Variants in DOCK1 observed in about 807,000 individuals in gnomAD.
The protein encoded by DOCK1 is dedicator of cytokinesis protein 1.
Under a neutral mutation model 262.7 loss-of-function variants are expected in DOCK1, and 138 were observed. The observed-to-expected ratio is 0.53, with a 90% CI of 0.46 to 0.61. DOCK1 has a LOEUF of 0.61. Ranked by LOEUF, DOCK1 falls within the 20% of genes least tolerant of loss-of-function variation. The probability of loss-of-function intolerance (pLI) is 0.00; values close to 1 mark genes in which losing one functional copy is unlikely to be tolerated. For missense variants in DOCK1, 1,908 were observed against 2,370.7 expected (o/e 0.80, Z 4.05); for synonymous variants, 866 against 867.4 (o/e 1.00, Z 0.03).
rs2043630120 is a variant in DOCK1, at chr10:127,036,555, T to C, written c.1913-1164T>C. 1.3e-5 allele frequency among the ~76,000 whole-genome samples: 2 copies of C among 152,176 alleles called. 1 individual carries two copies. The highest frequency in any genetic ancestry group is 4.1e-4 in the South Asian group (2 of 4,824). On this transcript the variant is annotated intron_variant, in intron 18 of 51. Coordinates refer to ENST00000623213, the MANE Select transcript of DOCK1 (RefSeq NM_001290223.2). Reference sequence around the variant, plus strand: ...TGAAGTTGGTTCATGAGCATAACGGTAAATTAGATGTACTTTGTTAATGGT... The same window carrying C: ...TGAAGTTGGTTCATGAGCATAACGGCAAATTAGATGTACTTTGTTAATGGT...
intron 25 of DOCK1, among the ~76,000 whole-genome samples, chr10:127,114,371 A>G (rs1309306975): frequency 2.6e-5 from 4 of 152,192 alleles, no homozygotes; most frequent in Admixed American, 6.5e-5. Flanking sequence ...TTGGATTCAC[A>G]TGGGGAAATT....
chr10:127,116,144 C>G (rs544080497), intron 25 of DOCK1, among the ~76,000 whole-genome samples: 2 of 152,074 alleles, frequency 1.3e-5, no homozygotes, highest in Non-Finnish European at 2.9e-5. Context: ...GGTGGTTGGA[C>G]TCTGGCAGTG....
At chr10:126,992,733 C>T (rs34530613) in intron 6 of DOCK1, among the ~76,000 whole-genome samples, 2,764 of 111,016 alleles carry the variant, frequency 0.025, 29 homozygotes, top group Non-Finnish European at 0.04. Flanking sequence ...ACCCCCCCAA[C>T]ACAGACACAC....
rs145414550 is a variant in DOCK1 at position 127,199,528 on chromosome 10, G to A, written c.2848-48480G>A. Among the ~76,000 whole-genome samples the A allele has an allele frequency of 1.7e-3, 260 of 152,316 alleles. 1 individual carries two copies. Among genetic ancestry groups the A allele is most frequent in the African/African-American group, 6.0e-3 (249 of 41,572 alleles). ...AGACAGCAACCCAAAAGCACTAACT[G>A]CTGATGCATGCTTTGGCATGGAGGG... On this transcript the variant is annotated intron_variant, in intron 27 of 51. Coordinates refer to ENST00000623213, the MANE Select transcript of DOCK1 (RefSeq NM_001290223.2).
At chr10:127,103,283 G>T (rs59642584) in intron 23 of DOCK1, among the ~76,000 whole-genome samples, 135 of 152,222 alleles carry the variant, frequency 8.9e-4, no homozygotes, top group African/African-American at 2.9e-3. Flanking sequence ...TCCCATGTAC[G>T]TGCCAAGTCA....
intron 29 of DOCK1, among the ~76,000 whole-genome samples, chr10:127,270,040 A>G (rs537332645): frequency 7.9e-5 from 12 of 152,212 alleles, no homozygotes; most frequent in East Asian, 1.9e-4. Flanking sequence ...CTCAGAGCCA[A>G]TCATACACAG....
chr10:127,243,370 T>G (rs994531840), intron 27 of DOCK1, among the ~76,000 whole-genome samples: 19 of 152,272 alleles, frequency 1.2e-4, no homozygotes, highest in South Asian at 6.2e-4. Flanking sequence ...GCATTCAACT[T>G]GCCTGTCACT....
At chr10:127,361,586 C>T (rs1226224370) in intron 32 of DOCK1, among the ~76,000 whole-genome samples, 1 of 152,138 alleles carries the variant, frequency 6.6e-6, no homozygotes, top group Non-Finnish European at 1.5e-5. Flanking sequence ...TGTCAGATAG[C>T]AAACTCATCT....
At chr10:127,005,576 T>C (rs1591616149) in intron 10 of DOCK1, among the ~76,000 whole-genome samples, 1 of 149,676 alleles carries the variant, frequency 6.7e-6, no homozygotes, top group Admixed American at 6.6e-5. Context: ...ATGTGTCACA[T>C]TTCTGTCTTT....
At chr10:127,090,135 T>G (rs1361917597) in intron 23 of DOCK1, among the ~76,000 whole-genome samples, 1 of 152,040 alleles carries the variant, frequency 6.6e-6, no homozygotes, top group Non-Finnish European at 1.5e-5. Context: ...TTCCTGGGAT[T>G]TTTTTTCCTG....
chr10:127,026,229 A>C, intron 15 of DOCK1, 123 bp from the exon 16 acceptor site: 1 of 934,748 alleles, frequency 1.1e-6, no homozygotes, highest in South Asian at 1.4e-5. Context: ...GACTAGGTGT[A>C]CAGTATTTTC....
At chr10:127,161,908 G>T (rs1281442861) in intron 27 of DOCK1, among the ~76,000 whole-genome samples, 1 of 152,170 alleles carries the variant, frequency 6.6e-6, no homozygotes, top group Non-Finnish European at 1.5e-5. Context: ...ATGGGGGTTG[G>T]ATTGACCCCT....
chr10:126,997,666 A>C (rs2135113697), intron 7 of DOCK1, among the ~76,000 whole-genome samples: 1 of 152,318 alleles, frequency 6.6e-6, no homozygotes, highest in East Asian at 1.9e-4. Context: ...GTAGATACTC[A>C]GAAATTGACT....
At chr10:127,444,815 C>T (rs984479847) in intron 50 of DOCK1, among the ~76,000 whole-genome samples, 1 of 152,010 alleles carries the variant, frequency 6.6e-6, no homozygotes, top group Non-Finnish European at 1.5e-5. Context: ...CAAGTTGGTT[C>T]CCTCTGGTGG....
chr10:127,301,838 C>T (rs992714400), intron 29 of DOCK1, among the ~76,000 whole-genome samples: 14 of 151,126 alleles, frequency 9.3e-5, no homozygotes, highest in East Asian at 3.9e-4. Flanking sequence ...CCCAGCTACT[C>T]GGGAGGCTGA....
chr10:127,053,462 G>A (rs1410472163), intron 22 of DOCK1, among the ~76,000 whole-genome samples: 1 of 152,142 alleles, frequency 6.6e-6, no homozygotes, highest in Non-Finnish European at 1.5e-5. Context: ...GTTTCATTTC[G>A]GGAGAACTCT....
intron 29 of DOCK1, 39 bp downstream of exon 29, chr10:127,257,468 T>C: frequency 1.3e-6 from 2 of 1,539,762 alleles, no homozygotes; most frequent in Non-Finnish European, 1.8e-6. Context: ...TTTCTATGGC[T>C]CCCAATTCAT....
chr10:127,377,769 G>A (rs902685116), intron 35 of DOCK1, among the ~76,000 whole-genome samples: 3 of 151,846 alleles, frequency 2.0e-5, no homozygotes, highest in Admixed American at 1.3e-4. Flanking sequence ...TTGGGTGCCT[G>A]TAATCCCAGG....
chr10:127,015,536 G>A (rs2041805614), intron 12 of DOCK1, among the ~76,000 whole-genome samples: 1 of 151,794 alleles, frequency 6.6e-6, no homozygotes, highest in Non-Finnish European at 1.5e-5. Context: ...CCTTCAGGCA[G>A]CTCTGCCTGG....
Sources: gnomAD v4.1 joint callset for allele counts (sites outside exome capture counted in the v4.1 genomes callset) on GRCh38, gnomAD v4.1.1 for gene constraint, MANE v1.5 for transcripts, NCBI Gene and HGNC (gene_info 2026-07-23, HGNC 2026-07-21) for gene names.